PCF11: variants seen among roughly 807,000 people sequenced by gnomAD.
PCF11 encodes the protein pre-mRNA cleavage complex 2 protein Pcf11.
In PCF11, 19 loss-of-function variants were observed where a neutral mutation model predicts 166.1. That is an observed-to-expected ratio of 0.11 (90% CI 0.08 to 0.17). The LOEUF is 0.17. PCF11 is among the 10% of genes least tolerant of loss of function. The pLI is 1.00. For missense variants in PCF11, 1,565 were observed against 1,855.5 expected (o/e 0.84, Z 2.88); for synonymous variants, 663 against 644.1 (o/e 1.03, Z -0.44).
Position 83,167,836 on chromosome 11 carries a change from A to G in PCF11, c.2092+331A>G, listed in dbSNP as rs752689462. The stretch of plus-strand genomic sequence containing the variant: ...TCTCCTATATCTGGGAGTCGTACTT[A>G]TGCTGAGAATCTTTCACCCCATGAG... On this transcript the variant is annotated intron_variant, in intron 7 of 15. Transcript: ENST00000298281. This position sits in a 1 kb window ranked among gnomAD's most constrained non-coding sequence, Gnocchi z 4.2. 2.3e-6 allele frequency: 3 copies of G among 1,320,578 alleles called. No homozygotes were observed. In the South Asian group the frequency reaches 3.7e-5, roughly 16 times the overall value. The allele number at this position is 1,320,578 out of a possible 1,614,324, so 81.8% of individuals were successfully genotyped here. A position where few individuals can be genotyped will look rare whatever the true frequency, so the allele number is the denominator to read the frequency against.
exon 10 of PCF11, chr11:83,177,099 GCATATC>G: frequency 1.3e-6 from 2 of 1,557,054 alleles, no homozygotes; most frequent in Non-Finnish European, 1.7e-6. Context: ...CCTCCCTAAG[GCATATC>G]CTGATAATCA....
In PCF11 at chr11:83,166,496, G is replaced by A. The variant is rs369740258; in HGVS notation, c.1599G>A (p.Glu533=). The A allele has an allele frequency of 1.0e-4, 167 of 1,613,768 alleles. 1 individual carries two copies. The highest frequency in any genetic ancestry group is 4.9e-4 in the Middle Eastern group (3 of 6,084). Residue 533 remains glutamate (E), a synonymous_variant, in exon 5 of 16, where the codon GAG becomes GAA. Coordinates refer to ENST00000298281, the Ensembl canonical transcript of PCF11. ...GAGCTAAGCAGTCACATATGGAAGA[G>A]TTTACACCACCTTCTAGGGAAGACA...
At chr11:83,164,358 A>G in exon 4 of PCF11, 1 of 1,613,660 alleles carries the variant, frequency 6.2e-7, no homozygotes, top group South Asian at 1.1e-5. Flanking sequence ...GAACTTCAGC[A>G]GAAAAAGCTG....
At chr11:83,170,231 C>A (rs1236169392) in intron 8 of PCF11, among the ~76,000 whole-genome samples, 1 of 152,088 alleles carries the variant, frequency 6.6e-6, no homozygotes, top group African/African-American at 2.4e-5. Flanking sequence ...CAATCAAACC[C>A]CCACCTCCAG....
exon 16 of PCF11, chr11:83,185,263 A>G (rs904268695): frequency 6.3e-5 from 10 of 158,512 alleles, no homozygotes; most frequent in African/African-American, 2.2e-4. Flanking sequence ...TATTGGGTAA[A>G]AATGGAATTG....
intron 15 of PCF11, among the ~76,000 whole-genome samples, chr11:83,183,412 G>A (rs527358265): frequency 2.2e-4 from 33 of 152,042 alleles, no homozygotes; most frequent in Middle Eastern, 3.4e-3. Flanking sequence ...ATGGGGATAC[G>A]TTTCTAGAGC....
exon 8 of PCF11, chr11:83,168,687 C>G (rs1220161913): frequency 6.2e-7 from 1 of 1,613,938 alleles, no homozygotes. Context: ...ATGGACCTCC[C>G]ACACCAGCTT....
chr11:83,171,978 CTT>C (rs1383757715), intron 9 of PCF11, 64 bp downstream of exon 9: 1 of 803,838 alleles, frequency 1.2e-6, no homozygotes, highest in African/African-American at 1.7e-5. Context: ...GAATAGCTAA[CTT>C]TGTGAATTTT....
exon 1 of PCF11, chr11:83,157,421 G>A (rs747849475): frequency 6.2e-7 from 1 of 1,602,512 alleles, no homozygotes; most frequent in South Asian, 1.1e-5. Context: ...AGCGGACCTC[G>A]GAGGGGGGCC....
chr11:83,185,447 G>GATATAT (rs34956679), exon 16 of PCF11: 149 of 149,356 alleles, frequency 1.0e-3, no homozygotes, highest in African/African-American at 3.3e-3. Context: ...ATATTTTGCA[G>GATATAT]ATATATATAT....
At chr11:83,166,352 C>T (rs185312455) in exon 5 of PCF11, 1 of 1,613,804 alleles carries the variant, frequency 6.2e-7, no homozygotes. Context: ...CTCGATCACC[C>T]AAGTCTAGGT....
chr11:83,167,829 C>G lies in PCF11; in HGVS notation c.2092+324C>G, dbSNP rs763698094. On this transcript the variant is annotated intron_variant, in intron 7 of 15. Transcript: ENST00000298281. The surrounding 1 kb of genome is among the most constrained non-coding windows in gnomAD (Gnocchi z 4.2). ...ACGTCTTTCTCCTATATCTGGGAGTCGTACTTATGCTGAGAATCTTTCACC... is the reference window on the plus strand; with the variant it reads ...ACGTCTTTCTCCTATATCTGGGAGTGGTACTTATGCTGAGAATCTTTCACC... The G allele has an allele frequency of 1.3e-5, 17 of 1,323,728 alleles. No individual in the cohort carries two copies. Among genetic ancestry groups the G allele is most frequent in the Non-Finnish European group, 1.6e-5 (16 of 1,011,726 alleles). 82.0% of individuals were successfully genotyped at this position (1,323,728 alleles called of 1,614,324 possible).
chr11:83,177,910 CCCTTTA>C, intron 11 of PCF11, 91 bp downstream of exon 11: 1 of 469,346 alleles, frequency 2.1e-6, no homozygotes, highest in Non-Finnish European at 3.7e-6. Flanking sequence ...CTTTCCCTTT[CCCTTTA>C]TCCCTTTTAC....
chr11:83,177,301 A>T, intron 10 of PCF11, 97 bp downstream of exon 10: 1 of 915,654 alleles, frequency 1.1e-6, no homozygotes. Context: ...AAAGGTCCTT[A>T]CAATAATTGA....
rs797009186 is a variant in PCF11 at position 83,165,147 on chromosome 11, A to G, written c.703-453A>G. Among the ~76,000 whole-genome samples, 19 of 152,356 alleles carry G rather than the reference A, an allele frequency of 1.2e-4. 1 individual carries two copies. Among genetic ancestry groups the G allele is most frequent in the African/African-American group, 4.3e-4 (18 of 41,596 alleles). Reference sequence around the variant, plus strand: ...TTTATACTAAGTTATTTTGCTTAGCATCTGAGCTTATTCGACAGTGAGGTG... The same window carrying G: ...TTTATACTAAGTTATTTTGCTTAGCGTCTGAGCTTATTCGACAGTGAGGTG... On this transcript the variant is annotated intron_variant, in intron 4 of 15. Coordinates refer to ENST00000298281, the Ensembl canonical transcript of PCF11.
At chr11:83,176,685 G>A (rs550791706) in intron 9 of PCF11, among the ~76,000 whole-genome samples, 7 of 152,084 alleles carry the variant, frequency 4.6e-5, no homozygotes, top group South Asian at 2.1e-4. Context: ...AGGCACAGTC[G>A]GGGGGTGGGG....
Position 83,169,736 on chromosome 11 carries a change from C to T in PCF11, c.3401C>T (p.Pro1134Leu), listed in dbSNP as rs377083731. Reference sequence around the variant, plus strand: ...TCAGTATCTTTCAATCAGACTGGTCCATATAATGATCCACCTGGCAATGCT... The same window carrying T: ...TCAGTATCTTTCAATCAGACTGGTCTATATAATGATCCACCTGGCAATGCT... Residue 1134 changes from proline to leucine, a missense_variant, in exon 8 of 16, where the codon CCA becomes CTA. By Grantham distance (98) the Pro-to-Leu change is moderately conservative. This residue lies in a region of PCF11 where 725 missense variants were observed against 749.3 expected (regional missense o/e 0.97). Transcript: ENST00000298281. 4.3e-6 allele frequency: 7 copies of T among 1,613,870 alleles called. No individual in the cohort carries two copies. The Admixed American group carries it at 1.2e-4, about 27-fold the overall frequency.
chr11:83,173,563 A>G (rs1369711426), intron 9 of PCF11, among the ~76,000 whole-genome samples: 1 of 151,064 alleles, frequency 6.6e-6, no homozygotes, highest in Non-Finnish European at 1.5e-5. Context: ...AGTATATGCA[A>G]AAGTACTTTG....
At chr11:83,170,750 C>T (rs1379596677) in intron 8 of PCF11, among the ~76,000 whole-genome samples, 1 of 152,066 alleles carries the variant, frequency 6.6e-6, no homozygotes, top group East Asian at 1.9e-4. Flanking sequence ...ACTTCTTTTC[C>T]AGGTGCAGAC....
Sources: gnomAD v4.1 joint callset for allele counts (sites outside exome capture counted in the v4.1 genomes callset) on GRCh38, gnomAD v4.1.1 for gene constraint, gnomAD v4.1.1 regional missense constraint, Gnocchi (gnomAD v3.1) non-coding constraint, MANE v1.5 for transcripts, NCBI Gene and HGNC (gene_info 2026-07-23, HGNC 2026-07-21) for gene names.